Variants in TBCEL observed in about 807,000 individuals in gnomAD.
The protein encoded by TBCEL is tubulin-specific chaperone cofactor E-like protein.
In TBCEL, 15 loss-of-function variants were observed where a neutral mutation model predicts 44.2. The ratio of observed to expected loss-of-function variants is 0.34; its 90% CI spans 0.23 to 0.52. The LOEUF is 0.52. TBCEL is among the 20% of genes least tolerant of loss of function. The pLI is 0.95. For missense variants in TBCEL, 319 were observed against 506.3 expected (o/e 0.63, Z 3.55); for synonymous variants, 171 against 185.4 (o/e 0.92, Z 0.63).
At chr11:121,060,389 G>A (rs990755237) in intron 8 of TBCEL, among the ~76,000 whole-genome samples, 17 of 151,434 alleles carry the variant, frequency 1.1e-4, no homozygotes, top group African/African-American at 4.1e-4. Flanking sequence ...TTTTCTTTGG[G>A]GTACATTTTT....
intron 4 of TBCEL, 123 bp from the exon 5 acceptor site, chr11:121,053,423 AATAAT>A: frequency 1.3e-6 from 1 of 768,122 alleles, no homozygotes; most frequent in South Asian, 1.8e-5. Context: ...ACCGTCACTA[AATAAT>A]AGGACTCCTT....
In TBCEL at chr11:121,058,411, T is replaced by C. The variant is rs1565499547; in HGVS notation, c.779T>C (p.Leu260Ser). Residue 260 changes from leucine to serine, a missense_variant, in exon 7 of 9, where the codon TTA (leucine) becomes TCA (serine). Transcript: ENST00000683345. ...SFPKLEEVRLLGIPLLQPYTT... is the reference protein window; with the variant it reads ...SFPKLEEVRLSGIPLLQPYTT... ...CCCAAACTGGAAGAAGTGAGATTGT[T>C]AGGAATTCCTCTTCTGCAGCCATAT... 4 of 1,612,132 alleles carry C rather than the reference T, an allele frequency of 2.5e-6. No individual in the cohort carries two copies. The highest frequency in any genetic ancestry group is 3.4e-6 in the Non-Finnish European group (4 of 1,178,500).
Position 121,029,125 on chromosome 11 carries a change from G to A in TBCEL, c.-126+4834G>A, listed in dbSNP as rs141595090. Among the ~76,000 whole-genome samples, 686 of 152,100 alleles carry A rather than the reference G, an allele frequency of 4.5e-3. 5 individuals carry two copies. Among genetic ancestry groups the A allele is most frequent in the Middle Eastern group, 0.014 (4 of 294 alleles). Reference sequence around the variant, plus strand: ...CCTTCTTTTCATCTAGTACATTTCTGCTGCTGTCTTGTAAAACTCAGTTTT... The same window carrying A: ...CCTTCTTTTCATCTAGTACATTTCTACTGCTGTCTTGTAAAACTCAGTTTT... On this transcript the variant is annotated intron_variant, in intron 1 of 8. Transcript: ENST00000683345.
At chr11:121,028,356 CACTG>C (rs1163149593) in intron 1 of TBCEL, among the ~76,000 whole-genome samples, 1 of 152,120 alleles carries the variant, frequency 6.6e-6, no homozygotes, top group Non-Finnish European at 1.5e-5. Context: ...AGTTAAAAGT[CACTG>C]ACCTAGCCTG....
intron 1 of TBCEL, among the ~76,000 whole-genome samples, chr11:121,034,616 C>G (rs1040974819): frequency 1.2e-4 from 18 of 152,062 alleles, no homozygotes; most frequent in Non-Finnish European, 2.2e-4. Flanking sequence ...CAATTATATG[C>G]AAGTTTCCAG....
intron 1 of TBCEL, among the ~76,000 whole-genome samples, chr11:121,033,959 CAT>C (rs1945187686): frequency 1.3e-5 from 2 of 152,086 alleles, no homozygotes; most frequent in South Asian, 2.1e-4. Context: ...TATGTTGTAG[CAT>C]GTGTCAAATT....
chr11:121,039,603 G>A (rs1945295684), intron 2 of TBCEL, among the ~76,000 whole-genome samples: 1 of 152,186 alleles, frequency 6.6e-6, no homozygotes, highest in Non-Finnish European at 1.5e-5. Context: ...ACCTAATTGG[G>A]AGAATTTGTT....
chr11:121,053,440 A>T, intron 4 of TBCEL, 111 bp from the exon 5 acceptor site: 1 of 901,452 alleles, frequency 1.1e-6, no homozygotes. Flanking sequence ...GGACTCCTTG[A>T]TGTAAATGGC....
intron 8 of TBCEL, among the ~76,000 whole-genome samples, chr11:121,070,162 C>T (rs1375312029): frequency 2.0e-5 from 3 of 152,164 alleles, no homozygotes; most frequent in Non-Finnish European, 4.4e-5. Flanking sequence ...GATACCATCT[C>T]ACACCAGTTA....
chr11:121,053,202 CTT>C (rs1168788656), intron 4 of TBCEL, among the ~76,000 whole-genome samples: 1 of 151,852 alleles, frequency 6.6e-6, no homozygotes, highest in African/African-American at 2.4e-5. Context: ...AATCTCAGCT[CTT>C]TAAGAAATGT....
intron 8 of TBCEL, among the ~76,000 whole-genome samples, chr11:121,077,830 C>G (rs1451134594): frequency 1.3e-5 from 2 of 151,932 alleles, no homozygotes; most frequent in Non-Finnish European, 1.5e-5. Flanking sequence ...CAGATATTTT[C>G]TAATTTATCT....
In TBCEL at chr11:121,045,675, A is replaced by G. The variant is rs756929756; in HGVS notation, c.-16A>G. On this transcript the variant is annotated splice_region_variant and 5_prime_UTR_variant, in exon 3 of 9. Coordinates refer to ENST00000683345, the MANE Select transcript of TBCEL (RefSeq NM_001363644.2). ...TGATTATTTCTTGGTTTCTTGTAGC[A>G]TTTTAAGAAAGAAAGATGGATCAAC... The G allele has an allele frequency of 1.9e-6, 3 of 1,566,882 alleles. No individual in the cohort carries two copies. The East Asian group carries it at 6.7e-5, about 35-fold the overall frequency.
chr11:121,061,851 C>G (rs771984491), intron 8 of TBCEL, among the ~76,000 whole-genome samples: 30 of 152,158 alleles, frequency 2.0e-4, no homozygotes, highest in Non-Finnish European at 2.8e-4. Flanking sequence ...ACACTGTACA[C>G]TTAGGCTGTA....
At chr11:121,074,344 A>G (rs1001696747) in intron 8 of TBCEL, among the ~76,000 whole-genome samples, 2 of 151,848 alleles carry the variant, frequency 1.3e-5, no homozygotes, top group African/African-American at 4.8e-5. Flanking sequence ...TTCCATCGCT[A>G]TTTTGTGCGT....
rs1448641716 is a variant in TBCEL, at chr11:121,053,534, T to C, written c.274-17T>C. On this transcript the variant is annotated splice_polypyrimidine_tract_variant and intron_variant, in intron 4 of 8. Coordinates refer to ENST00000683345, the MANE Select transcript of TBCEL (RefSeq NM_001363644.2). ...TCTGATTACTGCCTGATAATGCTTT[T>C]CTTTTTTTCTCCTTAGGTCAGTAAA... is the stretch of plus-strand genomic sequence containing the variant. The C allele has an allele frequency of 6.2e-7, 1 of 1,609,570 alleles. No individual in the cohort carries two copies. The highest frequency in any genetic ancestry group is 1.3e-5 in the African/African-American group (1 of 74,626).
At chr11:121,042,678 T>C (rs1945355913) in intron 2 of TBCEL, among the ~76,000 whole-genome samples, 1 of 152,218 alleles carries the variant, frequency 6.6e-6, no homozygotes, top group Non-Finnish European at 1.5e-5. Flanking sequence ...GATGGGCATG[T>C]GCTCAGTGAG....
In TBCEL at chr11:121,068,813, A is replaced by C. The variant is rs193123124; in HGVS notation, c.956+8728A>C. The stretch of plus-strand genomic sequence containing the variant: ...GAGGGAGGAGAATCACTTGAACCCG[A>C]GAGGCGGAGGTTGCGGTGAGCTGAG... On this transcript the variant is annotated intron_variant, in intron 8 of 8. Coordinates refer to ENST00000683345, the MANE Select transcript of TBCEL (RefSeq NM_001363644.2). 2.9e-3 allele frequency among the ~76,000 whole-genome samples: 437 copies of C among 151,018 alleles called. 3 individuals carry two copies. Among genetic ancestry groups the C allele is most frequent in the Middle Eastern group, 0.01 (3 of 294 alleles).
At chr11:121,049,854 C>T (rs1370043199) in intron 4 of TBCEL, among the ~76,000 whole-genome samples, 1 of 151,688 alleles carries the variant, frequency 6.6e-6, no homozygotes. Context: ...GCATTTTTCC[C>T]TGCTTAGACA....
At chr11:121,029,119 A>G (rs1473172020) in intron 1 of TBCEL, among the ~76,000 whole-genome samples, 4 of 151,898 alleles carry the variant, frequency 2.6e-5, no homozygotes, top group Non-Finnish European at 5.9e-5. Context: ...CATCTAGTAC[A>G]TTTCTGCTGC....
Sources: gnomAD v4.1 joint callset for allele counts (sites outside exome capture counted in the v4.1 genomes callset) on GRCh38, gnomAD v4.1.1 for gene constraint, MANE v1.5 for transcripts, NCBI Gene and HGNC (gene_info 2026-07-23, HGNC 2026-07-21) for gene names.